Variants in ERC1 observed in about 807,000 individuals in gnomAD.
ERC1 encodes ELKS/RAB6-interacting/CAST family member 1.
ERC1 carries 56 observed loss-of-function variants against 132.0 expected under a neutral mutation model. The ratio of observed to expected loss-of-function variants is 0.42; its 90% CI spans 0.34 to 0.53. The LOEUF is 0.53. Among genes scored for constraint, ERC1 ranks in the 20% least tolerant of loss-of-function variants. The probability of loss-of-function intolerance (pLI) is 0.03; values close to 1 mark genes in which losing one functional copy is unlikely to be tolerated. For missense variants in ERC1, 1,202 were observed against 1,349.9 expected (o/e 0.89, Z 1.72); for synonymous variants, 478 against 476.1 (o/e 1.00, Z -0.05).
intron 17 of ERC1, among the ~76,000 whole-genome samples, chr12:1,434,774 A>G (rs1392826259): frequency 2.6e-5 from 4 of 152,200 alleles, no homozygotes; most frequent in African/African-American, 9.7e-5. Context: ...TGTAATCTTG[A>G]AACATCAGCC....
intron 14 of ERC1, among the ~76,000 whole-genome samples, chr12:1,265,878 T>C (rs1348371841): frequency 6.6e-6 from 1 of 152,226 alleles, no homozygotes; most frequent in Non-Finnish European, 1.5e-5. Flanking sequence ...TGTGGCTTGA[T>C]AGCTCATTTC....
At chr12:1,325,364 TAA>T (rs999383052) in intron 15 of ERC1, among the ~76,000 whole-genome samples, 2 of 152,200 alleles carry the variant, frequency 1.3e-5, no homozygotes, top group African/African-American at 4.8e-5. Context: ...GAAAAAATGC[TAA>T]GAGTTTGTGT....
At chr12:1,353,653 G>A (rs1046530343) in intron 15 of ERC1, among the ~76,000 whole-genome samples, 26 of 152,206 alleles carry the variant, frequency 1.7e-4, no homozygotes, top group Middle Eastern at 3.4e-3. Context: ...CAAGCAAGCC[G>A]TGATTTTCAT....
intron 15 of ERC1, among the ~76,000 whole-genome samples, chr12:1,321,594 G>A (rs948173770): frequency 1.3e-5 from 2 of 152,144 alleles, no homozygotes; most frequent in African/African-American, 4.8e-5. Context: ...TCTTCCTGAT[G>A]AATGTTCTCT....
intron 7 of ERC1, among the ~76,000 whole-genome samples, chr12:1,122,929 A>T (rs1013089296): frequency 6.6e-6 from 1 of 152,020 alleles, no homozygotes; most frequent in Non-Finnish European, 1.5e-5. Context: ...CATCCTCTCT[A>T]TACCTGGGGC....
intron 16 of ERC1, among the ~76,000 whole-genome samples, chr12:1,389,893 A>G (rs1469823926): frequency 6.6e-6 from 1 of 152,234 alleles, no homozygotes; most frequent in African/African-American, 2.4e-5. Flanking sequence ...AAGCAAAAAT[A>G]TGTAGTGCCT....
At chr12:1,212,212 C>G (rs997744903) in intron 12 of ERC1, among the ~76,000 whole-genome samples, 1 of 152,066 alleles carries the variant, frequency 6.6e-6, no homozygotes, top group Non-Finnish European at 1.5e-5. Flanking sequence ...CTTTCTTTTT[C>G]TCTACTCTCT....
intron 15 of ERC1, among the ~76,000 whole-genome samples, chr12:1,364,758 A>G (rs2086494707): frequency 6.6e-6 from 1 of 152,222 alleles, no homozygotes; most frequent in Admixed American, 6.5e-5. Context: ...TCATCTCATT[A>G]GTTATATTAA....
intron 7 of ERC1, among the ~76,000 whole-genome samples, chr12:1,135,663 GGTGAA>G (rs1440827356): frequency 6.6e-6 from 1 of 152,162 alleles, no homozygotes; most frequent in Non-Finnish European, 1.5e-5. Context: ...CAAAGAAGAG[GGTGAA>G]GTGAAGGTGG....
intron 12 of ERC1, among the ~76,000 whole-genome samples, chr12:1,222,373 G>T (rs1044022881): frequency 2.0e-5 from 3 of 151,900 alleles, no homozygotes; most frequent in Non-Finnish European, 4.4e-5. Context: ...GGGATTACAG[G>T]TGCCACCATG....
chr12:1,062,314 GT>G (rs1293304604), intron 2 of ERC1, among the ~76,000 whole-genome samples: 1 of 151,938 alleles, frequency 6.6e-6, no homozygotes, highest in Non-Finnish European at 1.5e-5. Context: ...TGAAGACGGG[GT>G]TTTGCCATGT....
chr12:1,013,631 G>A (rs752871848), intron 1 of ERC1, among the ~76,000 whole-genome samples: 6 of 152,184 alleles, frequency 3.9e-5, no homozygotes, highest in African/African-American at 9.7e-5. Flanking sequence ...AACTAGATGC[G>A]TAGTGTTAGC....
intron 7 of ERC1, among the ~76,000 whole-genome samples, chr12:1,129,519 C>A (rs539236479): frequency 6.6e-6 from 1 of 152,286 alleles, no homozygotes; most frequent in Non-Finnish European, 1.5e-5. Flanking sequence ...GAGCGAGACC[C>A]TGTCTCTAAA....
In ERC1 at chr12:1,028,038, T is replaced by C. The variant is rs766276237; in HGVS notation, c.135T>C (p.Ser45=). 6.2e-7 allele frequency: 1 copy of C among 1,614,104 alleles called. No homozygotes were observed. Among genetic ancestry groups the C allele is most frequent in the South Asian group, 1.1e-5 (1 of 91,082 alleles). ...GTACGGGAGGGAGTTCGGGAAGCAG[T>C]GTTGGAGGTGGCAGTGGGAAAACCC... The part of the protein sequence containing the change: ...TNSTGGSSGS[S]VGGGSGKTLS... The change falls in exon 2 of 19, where the codon AGT becomes AGC. Residue 45 remains serine, a synonymous_variant. Transcript: ENST00000360905.
At chr12:1,394,143 G>A (rs1334408074) in intron 16 of ERC1, among the ~76,000 whole-genome samples, 1 of 151,350 alleles carries the variant, frequency 6.6e-6, no homozygotes, top group East Asian at 2.0e-4. Context: ...GCTCACACCT[G>A]TAATCCCAGC....
chr12:1,251,038 G>A (rs544495559), intron 13 of ERC1, among the ~76,000 whole-genome samples: 4 of 152,292 alleles, frequency 2.6e-5, no homozygotes, highest in Admixed American at 2.0e-4. Flanking sequence ...TAGATATATA[G>A]TCAATGAAAC....
chr12:1,028,413 G>C lies in ERC1; in HGVS notation c.510G>C (p.Lys170Asn). 8.7e-6 allele frequency: 14 copies of C among 1,614,162 alleles called. No individual in the cohort carries two copies. Among genetic ancestry groups the C allele is most frequent in the Non-Finnish European group, 1.2e-5 (14 of 1,180,026 alleles). ...TAAGAGAAAATGATCTCTTGCGGAA[G>C]GATGTGGAAGTAAAGGAGAGCAAAT... The part of the protein sequence containing the change: ...EVLRENDLLR[K>N]DVEVKESKLS... Residue 170 changes from lysine to asparagine, a missense_variant, in exon 2 of 19, where the codon AAG becomes AAC. Lys to Asn is a moderately conservative substitution (Grantham distance 94, BLOSUM62 0). Coordinates refer to ENST00000360905, the MANE Select transcript of ERC1 (RefSeq NM_178040.4).
chr12:1,050,451 A>G (rs1203648991), intron 2 of ERC1, among the ~76,000 whole-genome samples: 1 of 152,182 alleles, frequency 6.6e-6, no homozygotes, highest in Non-Finnish European at 1.5e-5. Flanking sequence ...CTATATGTGA[A>G]TCACCTGTGA....
At chr12:1,072,756 G>A (rs1219691521) in intron 2 of ERC1, among the ~76,000 whole-genome samples, 2 of 152,144 alleles carry the variant, frequency 1.3e-5, no homozygotes, top group African/African-American at 2.4e-5. Context: ...GCAGTGGTGC[G>A]ATCTCGGCTC....
Sources: allele counts gnomAD v4.1 joint callset (sites outside exome capture counted in the v4.1 genomes callset), GRCh38; gene constraint gnomAD v4.1.1; transcripts MANE v1.5; gene names NCBI Gene and HGNC (gene_info 2026-07-23, HGNC 2026-07-21).